Variants in PAK2 observed in about 807,000 individuals in gnomAD.
The protein encoded by PAK2 is p21 (RAC1) activated kinase 2.
A neutral mutation model predicts 65.9 loss-of-function variants in PAK2; 21 were observed. That is an observed-to-expected ratio of 0.32 (90% CI 0.23 to 0.46). The LOEUF is 0.46. Ranked by LOEUF, PAK2 falls within the 20% of genes least tolerant of loss-of-function variation. The pLI is 1.00. For synonymous variants in PAK2, 204 were observed against 219.7 expected, an observed-to-expected ratio of 0.93 and a Z score of 0.63; for missense variants, 324 against 642.6, an observed-to-expected ratio of 0.50 and a Z score of 5.36.
chr3:196,742,944 A>G (rs528090398), intron 1 of PAK2, among the ~76,000 whole-genome samples: 4 of 152,266 alleles, frequency 2.6e-5, no homozygotes, highest in South Asian at 4.1e-4. Context: ...AGAAAAAGAA[A>G]CTGGGTCAAC....
intron 2 of PAK2, among the ~76,000 whole-genome samples, chr3:196,796,003 A>G (rs1474384132): frequency 6.6e-6 from 1 of 152,222 alleles, no homozygotes; most frequent in Non-Finnish European, 1.5e-5. Context: ...TAAGAAGCGC[A>G]CAACCTGGAT....
chr3:196,741,575 A>G (rs2108701348), intron 1 of PAK2, among the ~76,000 whole-genome samples: 1 of 152,356 alleles, frequency 6.6e-6, no homozygotes, highest in Admixed American at 6.5e-5. Flanking sequence ...TAATAGATGT[A>G]GGTCTTAAAC....
At chr3:196,741,469 G>C (rs927477230) in intron 1 of PAK2, among the ~76,000 whole-genome samples, 1 of 152,156 alleles carries the variant, frequency 6.6e-6, no homozygotes, top group Non-Finnish European at 1.5e-5. Context: ...TGGATTTCAG[G>C]CAACTTTTTC....
intron 1 of PAK2, among the ~76,000 whole-genome samples, chr3:196,770,986 T>C (rs879472062): frequency 6.6e-6 from 1 of 152,038 alleles, no homozygotes; most frequent in Non-Finnish European, 1.5e-5. Context: ...ATTTTCATTA[T>C]GTCTTTTTTT....
intron 1 of PAK2, among the ~76,000 whole-genome samples, chr3:196,765,990 C>T (rs1270562969): frequency 2.6e-5 from 4 of 151,600 alleles, no homozygotes; most frequent in African/African-American, 9.7e-5. Context: ...AGCTCCACCT[C>T]CCGGGGTCAA....
intron 1 of PAK2, among the ~76,000 whole-genome samples, chr3:196,756,849 A>T (rs1401373670): frequency 1.3e-5 from 2 of 152,186 alleles, no homozygotes; most frequent in African/African-American, 4.8e-5. Flanking sequence ...AAAGAAAGAA[A>T]GAAACAAAAT....
At chr3:196,811,438 G>A (rs188890238) in intron 8 of PAK2, among the ~76,000 whole-genome samples, 297 of 95,588 alleles carry the variant, frequency 3.1e-3, no homozygotes, top group African/African-American at 0.013. Context: ...CTGGAGTGCA[G>A]TGACATAATC....
chr3:196,777,407 T>G (rs1714571111), intron 1 of PAK2, among the ~76,000 whole-genome samples: 1 of 152,120 alleles, frequency 6.6e-6, no homozygotes, highest in African/African-American at 2.4e-5. Context: ...TTTCAGCATG[T>G]TGGCCAGGCT....
At chr3:196,765,635 A>G (rs1370029421) in intron 1 of PAK2, among the ~76,000 whole-genome samples, 2 of 152,166 alleles carry the variant, frequency 1.3e-5, no homozygotes, top group African/African-American at 4.8e-5. Flanking sequence ...CTGAGGTTGG[A>G]CATATTCTTA....
intron 1 of PAK2, among the ~76,000 whole-genome samples, chr3:196,741,937 T>A (rs952752158): frequency 2.6e-5 from 4 of 152,206 alleles, no homozygotes; most frequent in Admixed American, 1.3e-4. Context: ...TGGTTTACTC[T>A]CATTCAGAGA....
intron 12 of PAK2, among the ~76,000 whole-genome samples, chr3:196,818,663 G>A (rs965204847): frequency 6.6e-6 from 1 of 152,134 alleles, no homozygotes; most frequent in Non-Finnish European, 1.5e-5. Flanking sequence ...ACCGCGGCTG[G>A]CCATGATTGC....
At chr3:196,768,138 GA>G (rs1459197798) in intron 1 of PAK2, among the ~76,000 whole-genome samples, 1 of 152,046 alleles carries the variant, frequency 6.6e-6, no homozygotes, top group Non-Finnish European at 1.5e-5. Flanking sequence ...GTTTTAAAAT[GA>G]TAAATCAACA....
At chr3:196,799,366 C>A (rs1365778845) in intron 2 of PAK2, among the ~76,000 whole-genome samples, 1 of 152,162 alleles carries the variant, frequency 6.6e-6, no homozygotes, top group Non-Finnish European at 1.5e-5. Context: ...AACTACTGCT[C>A]TGTTTCTAAG....
intron 1 of PAK2, among the ~76,000 whole-genome samples, chr3:196,779,718 G>A (rs1428387655): frequency 4.6e-5 from 7 of 152,154 alleles, no homozygotes; most frequent in Non-Finnish European, 7.4e-5. Flanking sequence ...TGTTACCCAC[G>A]CTGGAGTACA....
intron 12 of PAK2, among the ~76,000 whole-genome samples, chr3:196,819,575 A>G (rs966581707): frequency 6.6e-6 from 1 of 152,218 alleles, no homozygotes; most frequent in Non-Finnish European, 1.5e-5. Flanking sequence ...GATATTATTC[A>G]TGCATATGTA....
chr3:196,825,969 G>A (rs547973718), intron 13 of PAK2, among the ~76,000 whole-genome samples: 339 of 151,598 alleles, frequency 2.2e-3, no homozygotes, highest in Middle Eastern at 6.8e-3. Context: ...TCAGCCTCCC[G>A]AGTAGCTGGA....
chr3:196,778,030 G>A (rs1714590737), intron 1 of PAK2, among the ~76,000 whole-genome samples: 1 of 151,970 alleles, frequency 6.6e-6, no homozygotes, highest in Non-Finnish European at 1.5e-5. Context: ...ATACCCATTA[G>A]GAGCCCCATC....
At chr3:196,743,703 ATTTAGTATTCTCT>A in intron 1 of PAK2, among the ~76,000 whole-genome samples, 1 of 151,996 alleles carries the variant, frequency 6.6e-6, no homozygotes, top group African/African-American at 2.4e-5. Flanking sequence ...TTAGTAGAGA[ATTTAGTATTCTCT>A]ACTAAAAATA....
chr3:196,792,846 AAG>A (rs1715118358), intron 2 of PAK2, among the ~76,000 whole-genome samples: 2 of 152,104 alleles, frequency 1.3e-5, no homozygotes, highest in African/African-American at 4.8e-5. Flanking sequence ...CAAAGAGAAA[AAG>A]AGAGGAGACA....
Sources: gnomAD v4.1 joint callset for allele counts (sites outside exome capture counted in the v4.1 genomes callset) on GRCh38, gnomAD v4.1.1 for gene constraint, MANE v1.5 for transcripts, NCBI Gene and HGNC (gene_info 2026-07-23, HGNC 2026-07-21) for gene names.